The following KLHL33 variants were observed in gnomAD, a reference collection of about 807,000 sequenced individuals.
The protein encoded by KLHL33 is kelch-like protein 33.
Under a neutral mutation model 60.8 loss-of-function variants are expected in KLHL33, and 46 were observed. The ratio of observed to expected loss-of-function variants is 0.76; its 90% CI spans 0.60 to 0.97. KLHL33 has a LOEUF of 0.97. Among genes scored for constraint, KLHL33 ranks in the 50% least tolerant of loss-of-function variants. KLHL33 has a pLI of 0.00. For missense variants in KLHL33, 1,055 were observed against 1,000.0 expected, an observed-to-expected ratio of 1.05 and a Z score of -0.74; for synonymous variants, 434 against 432.2, an observed-to-expected ratio of 1.00 and a Z score of -0.05.
At position 20,426,057 on chromosome 14, in the gene KLHL33, A is replaced by G. The variant is rs1880259998; in HGVS notation, c.*2792T>C. 1 of 152,210 alleles carries G rather than the reference A, an allele frequency of 6.6e-6. No individual in the cohort carries two copies. The highest frequency in any genetic ancestry group is 2.4e-5 in the African/African-American group (1 of 41,458). The allele number at this position is 152,210 out of a possible 1,614,324, so 9.4% of individuals were successfully genotyped here. A position where few individuals can be genotyped will look rare whatever the true frequency, so the allele number is the denominator to read the frequency against. ...TAGTCTATCTTAAATAGAGATACAG[A>G]AAAAGATCTTACTAAAATAACGAAA... On this transcript the variant is annotated 3_prime_UTR_variant, in exon 5 of 5. Transcript: ENST00000636854.
chr14:20,433,700 A>T (rs1880593238), intron 2 of KLHL33, among the ~76,000 whole-genome samples: 1 of 152,228 alleles, frequency 6.6e-6, no homozygotes, highest in African/African-American at 2.4e-5. Flanking sequence ...AAAAGCAGTG[A>T]TATGAGTATG....
At position 20,425,870 on chromosome 14, in the gene KLHL33, T is replaced by C. The variant is rs1278285295; in HGVS notation, c.*2979A>G. ...AGAAAGATTCAGTCACTATGAAACC[T>C]TTATTTAAGTCTGCCTTTAGGTACA... On this transcript the variant is annotated 3_prime_UTR_variant, in exon 5 of 5. Coordinates refer to ENST00000636854, the MANE Select transcript of KLHL33 (RefSeq NM_001365790.2). The C allele has an allele frequency of 2.0e-5, 3 of 152,222 alleles. No homozygotes were observed. The highest frequency in any genetic ancestry group is 7.2e-5 in the African/African-American group (3 of 41,462). 9.4% of individuals were successfully genotyped at this position (152,222 alleles called of 1,614,324 possible). A position where few individuals can be genotyped will look rare whatever the true frequency, so the allele number is the denominator to read the frequency against.
chr14:20,435,172 G>T lies in KLHL33; in HGVS notation c.640C>A (p.Pro214Thr). Reference sequence around the variant, plus strand: ...TCCCTCAGCTCCTCTGCCTGGCTGGGCTTCTTTACATCTTCCCTGGCATTT... The same window carrying T: ...TCCCTCAGCTCCTCTGCCTGGCTGGTCTTCTTTACATCTTCCCTGGCATTT... ...AGNAREDVKK[P>T]SQAEELRENL... Residue 214 changes from proline to threonine, a missense_variant, in exon 2 of 5, where the codon CCC (proline) becomes ACC (threonine). Coordinates refer to ENST00000636854, the MANE Select transcript of KLHL33 (RefSeq NM_001365790.2). 8.1e-7 allele frequency: 1 copy of T among 1,234,404 alleles called. No individual in the cohort carries two copies. The highest frequency in any genetic ancestry group is 1.0e-6 in the Non-Finnish European group (1 of 988,146). The allele number at this position is 1,234,404 out of a possible 1,614,324, so 76.5% of individuals were successfully genotyped here.
chr14:20,431,022 A>G (rs139179264), intron 2 of KLHL33, among the ~76,000 whole-genome samples: 2 of 152,356 alleles, frequency 1.3e-5, no homozygotes, highest in East Asian at 3.9e-4. Flanking sequence ...AGACACTTAG[A>G]TAAACATTGC....
intron 4 of KLHL33, 50 bp downstream of exon 4, chr14:20,429,452 T>G: frequency 6.5e-7 from 1 of 1,550,180 alleles, no homozygotes; most frequent in East Asian, 2.4e-5. Flanking sequence ...TCAACTCTCC[T>G]TCTATTCCAA....
At position 20,429,835 on chromosome 14, in the gene KLHL33, C is replaced by A. The variant is rs941224203; in HGVS notation, c.1633G>T (p.Asp545Tyr). 37 of 1,548,662 alleles carry A rather than the reference C, an allele frequency of 2.4e-5. No individual in the cohort carries two copies. The highest frequency in any genetic ancestry group is 3.1e-5 in the Non-Finnish European group (36 of 1,145,332). ...AGGGTGTTGGAGTGACTGTAGAAAT[C>A]TTGTCCCCCACACACATAGAGTTCA... ...GSELYVCGGQ[D>Y]FYSHSNTLAS... The change falls in exon 3 of 5, where the codon GAT becomes TAT. Residue 545 changes from aspartate to tyrosine, a missense_variant. Asp to Tyr is a radical substitution (Grantham distance 160, BLOSUM62 -3). Coordinates refer to ENST00000636854, the MANE Select transcript of KLHL33 (RefSeq NM_001365790.2).
chr14:20,430,396 C>A lies in KLHL33; in HGVS notation c.1072G>T (p.Ala358Ser). 2.6e-6 allele frequency: 4 copies of A among 1,551,792 alleles called. No homozygotes were observed. The highest frequency in any genetic ancestry group is 3.5e-6 in the Non-Finnish European group (4 of 1,147,004). Residue 358 changes from alanine (A) to serine (S), a missense_variant, in exon 3 of 5, where the codon GCC becomes TCC. By Grantham distance (99) the Ala-to-Ser change is moderately conservative. Transcript: ENST00000636854. Reference protein sequence around the residue: ...APGLERLWSKARHYLLTHLPA... With the variant: ...APGLERLWSKSRHYLLTHLPA... ...AGGTGGGTGAGGAGGTAGTGACGGG[C>A]TTTGCTCCAGAGCCTCTCCAACCCA...
rs776162640 is a variant in KLHL33, at chr14:20,429,241, T to C, written c.2002A>G (p.Met668Val). Residue 668 changes from methionine to valine, a missense_variant, in exon 5 of 5, where the codon ATG becomes GTG. Met to Val is a conservative substitution (Grantham distance 21). Coordinates refer to ENST00000636854, the MANE Select transcript of KLHL33 (RefSeq NM_001365790.2). ...ACATGGCCAGCCCGAGGTACCCCCATAGGGCTCAGAAACGTCCCTGGCTTC... is the reference window on the plus strand; with the variant it reads ...ACATGGCCAGCCCGAGGTACCCCCACAGGGCTCAGAAACGTCCCTGGCTTC... ...LEKPGTFLSP[M>V]GVPRAGHVMA... 3.2e-5 allele frequency: 49 copies of C among 1,551,568 alleles called. No homozygotes were observed. Among genetic ancestry groups the C allele is most frequent in the East Asian group, 1.2e-4 (5 of 40,916 alleles).
In KLHL33 at chr14:20,429,854, G is replaced by C; in HGVS notation, c.1614C>G (p.Leu538=). The C allele has an allele frequency of 6.4e-7, 1 of 1,551,672 alleles. No homozygotes were observed. Among genetic ancestry groups the C allele is most frequent in the Non-Finnish European group, 8.7e-7 (1 of 1,146,862 alleles). Residue 538 remains leucine (L), a synonymous_variant, in exon 3 of 5, where the codon CTC becomes CTG. Transcript: ENST00000636854. The part of the protein sequence containing the change: ...HGAASLAGSE[L]YVCGGQDFYS... ...AGAAATCTTGTCCCCCACACACATA[G>C]AGTTCACTTCCTGCCAGGCTTGCAG...
chr14:20,430,530 GCCTGGGCAGCTCTCAGTAGC>G lies in KLHL33; in HGVS notation c.918_937del (p.Leu307CysfsTer72). 2.6e-6 allele frequency: 4 copies of G among 1,545,016 alleles called. No individual in the cohort carries two copies. Among genetic ancestry groups the G allele is most frequent in the Non-Finnish European group, 3.5e-6 (4 of 1,147,006 alleles). On this transcript the variant is annotated frameshift_variant, in exon 3 of 5. Transcript: ENST00000636854. LOFTEE classifies it high-confidence loss of function. The stretch of plus-strand genomic sequence containing the variant: ...GGAAGAGCTCTGGTACTGCAGAGCA[GCCTGGGCAGCTCTCAGTAGC>G]CCTGGCCACCTTGCCCGCACAACTC...
chr14:20,429,434 T>C (rs1880412918), intron 4 of KLHL33, 33 bp from the exon 5 acceptor site: 9 of 1,549,796 alleles, frequency 5.8e-6, no homozygotes, highest in Non-Finnish European at 6.1e-6. Flanking sequence ...ATAAGGCAAC[T>C]AGCATCTTCA....
At chr14:20,434,427 G>C (rs1880617256) in intron 2 of KLHL33, among the ~76,000 whole-genome samples, 1 of 152,058 alleles carries the variant, frequency 6.6e-6, no homozygotes, top group South Asian at 2.1e-4. Flanking sequence ...TGTAATCCCA[G>C]CTACTCGGGA....
rs1055004172 is a variant in KLHL33, at chr14:20,435,115, C to T, written c.697G>A (p.Glu233Lys). Residue 233 changes from glutamate (E) to lysine (K), a missense_variant, in exon 2 of 5, where the codon GAG becomes AAG. Transcript: ENST00000636854. ...AGCTTCAAGTCACACCCGACGCCCTCTCGGTAGAGGAGCTCGATTCCGCGC... is the reference window on the plus strand; with the variant it reads ...AGCTTCAAGTCACACCCGACGCCCTTTCGGTAGAGGAGCTCGATTCCGCGC... ...NLRGIELLYR[E>K]GVGCDLKLEA... 2 of 1,234,384 alleles carry T rather than the reference C, an allele frequency of 1.6e-6. No homozygotes were observed. The highest frequency in any genetic ancestry group is 2.0e-6 in the Non-Finnish European group (2 of 988,216). 76.5% of individuals were successfully genotyped at this position (1,234,384 alleles called of 1,614,324 possible).
In KLHL33 at chr14:20,428,686, C is replaced by A; in HGVS notation, c.*163G>T. 1 of 676,364 alleles carries A rather than the reference C, an allele frequency of 1.5e-6. No homozygotes were observed. 41.9% of individuals were successfully genotyped at this position (676,364 alleles called of 1,614,324 possible). A position where few individuals can be genotyped will look rare whatever the true frequency, so the allele number is the denominator to read the frequency against. ...GTTTTCCCTAGGAGTTCTGGAACCACCATTTCCTCAACGGAGATCATACGT... is the reference window on the plus strand; with the variant it reads ...GTTTTCCCTAGGAGTTCTGGAACCAACATTTCCTCAACGGAGATCATACGT... On this transcript the variant is annotated 3_prime_UTR_variant, in exon 5 of 5. Transcript: ENST00000636854.
chr14:20,428,814 A>C lies in KLHL33; in HGVS notation c.*35T>G, dbSNP rs1230487241. 1 of 1,500,686 alleles carries C rather than the reference A, an allele frequency of 6.7e-7. No homozygotes were observed. Among genetic ancestry groups the C allele is most frequent in the Admixed American group, 2.1e-5 (1 of 48,626 alleles). The allele number at this position is 1,500,686 out of a possible 1,614,324, so 93.0% of individuals were successfully genotyped here. A position where few individuals can be genotyped will look rare whatever the true frequency, so the allele number is the denominator to read the frequency against. ...CTGTCCTTCTCTCAGGCTATTTCTT[A>C]TGCCCTCCTCTCCCCATACACTGTT... On this transcript the variant is annotated 3_prime_UTR_variant, in exon 5 of 5. Transcript: ENST00000636854.
Position 20,428,993 on chromosome 14 carries a change from G to A in KLHL33, c.2250C>T (p.Ala750=), listed in dbSNP as rs1337144127. ...RTYALSHLIH[A]YCPGLGRWLC... ...GCCATCGGCCCAGGCCAGGACAGTAGGCATGGATAAGGTGAGAGAGGGCAT... is the reference window on the plus strand; with the variant it reads ...GCCATCGGCCCAGGCCAGGACAGTAAGCATGGATAAGGTGAGAGAGGGCAT... The change falls in exon 5 of 5, where the codon GCC becomes GCT. Residue 750 remains alanine (A), a synonymous_variant. Coordinates refer to ENST00000636854, the MANE Select transcript of KLHL33 (RefSeq NM_001365790.2). 6.4e-7 allele frequency: 1 copy of A among 1,551,718 alleles called. No individual in the cohort carries two copies. The highest frequency in any genetic ancestry group is 2.0e-5 in the Admixed American group (1 of 51,008).
Position 20,429,141 on chromosome 14 carries a change from G to C in KLHL33, c.2102C>G (p.Ala701Gly). ...GETEDLLSFE[A>G]YELRTDSWTH... is the part of the protein sequence containing the mutation. Reference sequence around the variant, plus strand: ...CCAGCTATCAGTCCTTAGTTCATAGGCCTCAAAGCTTAGCAGGTCCTCAGT... The same window carrying C: ...CCAGCTATCAGTCCTTAGTTCATAGCCCTCAAAGCTTAGCAGGTCCTCAGT... Residue 701 changes from alanine (A) to glycine (G), a missense_variant, in exon 5 of 5, where the codon GCC (alanine) becomes GGC (glycine). Coordinates refer to ENST00000636854, the MANE Select transcript of KLHL33 (RefSeq NM_001365790.2). 1 of 1,551,678 alleles carries C rather than the reference G, an allele frequency of 6.4e-7. No homozygotes were observed. Among genetic ancestry groups the C allele is most frequent in the African/African-American group, 1.4e-5 (1 of 73,162 alleles).
intron 2 of KLHL33, among the ~76,000 whole-genome samples, chr14:20,434,103 T>G (rs997035060): frequency 6.6e-6 from 1 of 152,196 alleles, no homozygotes; most frequent in African/African-American, 2.4e-5. Flanking sequence ...GATATTGACC[T>G]CACCAGCTTT....
chr14:20,433,250 A>C (rs1490930178), intron 2 of KLHL33, among the ~76,000 whole-genome samples: 1 of 152,182 alleles, frequency 6.6e-6, no homozygotes, highest in African/African-American at 2.4e-5. Context: ...GTTCATCTTA[A>C]TATTCTTGGT....
Sources: gnomAD v4.1 joint callset for allele counts (sites outside exome capture counted in the v4.1 genomes callset) on GRCh38, gnomAD v4.1.1 for gene constraint, MANE v1.5 for transcripts, NCBI Gene and HGNC (gene_info 2026-07-23, HGNC 2026-07-21) for gene names.